Variants in KNTC1 observed in about 807,000 individuals in gnomAD.
KNTC1 encodes the protein kinetochore-associated protein 1.
Under a neutral mutation model 314.4 loss-of-function variants are expected in KNTC1, and 253 were observed. The ratio of observed to expected loss-of-function variants is 0.80; its 90% CI spans 0.73 to 0.89. The LOEUF (loss-of-function observed/expected upper bound fraction) is 0.89. Among genes scored for constraint, KNTC1 ranks in the 40% least tolerant of loss-of-function variants. The pLI, the probability that KNTC1 is intolerant of heterozygous loss-of-function variation, is 0.00. For synonymous variants in KNTC1, 901 were observed against 901.4 expected, an observed-to-expected ratio of 1.00 and a Z score of 0.01; for missense variants, 2,475 against 2,572.9, an observed-to-expected ratio of 0.96 and a Z score of 0.82.
At chr12:122,626,127 C>G in intron 63 of KNTC1, 78 bp from the exon 64 acceptor site, 1 of 976,526 alleles carries the variant, frequency 1.0e-6, no homozygotes, top group Non-Finnish European at 1.6e-6. Flanking sequence ...CACTTAAGTT[C>G]TGTAGTTTAT....
intron 37 of KNTC1, among the ~76,000 whole-genome samples, chr12:122,586,331 C>T (rs1869292236): frequency 6.6e-6 from 1 of 152,190 alleles, no homozygotes; most frequent in South Asian, 2.1e-4. Flanking sequence ...ATCTGCCCGC[C>T]TCAGCCTTCC....
chr12:122,578,337 G>GT (rs887239787), intron 31 of KNTC1, among the ~76,000 whole-genome samples: 2 of 151,616 alleles, frequency 1.3e-5, no homozygotes, highest in Admixed American at 6.6e-5. Flanking sequence ...GAACTCCTGA[G>GT]TTTAAGTTCT....
Position 122,605,003 on chromosome 12 carries a change from A to T in KNTC1, c.5302A>T (p.Lys1768Ter). 6.2e-7 allele frequency: 1 copy of T among 1,613,394 alleles called. No homozygotes were observed. The highest frequency in any genetic ancestry group is 1.1e-5 in the South Asian group (1 of 90,852). The change falls in exon 50 of 64, where the codon AAG becomes TAG. Residue 1768 changes from lysine to a stop codon, truncating the protein, a stop_gained. Transcript: ENST00000333479. LOFTEE classifies it high-confidence loss of function. ...NTEEYLRVIGKPAHLIVSLYE... is the reference protein window; with the variant it reads ...NTEEYLRVIG Reference sequence around the variant, plus strand: ...TGAGGAATATTTAAGAGTGATCGGAAAGCCAGCACATCTTATTGTCAGTCT... The same window carrying T: ...TGAGGAATATTTAAGAGTGATCGGATAGCCAGCACATCTTATTGTCAGTCT...
intron 43 of KNTC1, 121 bp from the exon 44 acceptor site, chr12:122,597,610 A>G (rs1871236037): frequency 2.5e-6 from 2 of 787,996 alleles, no homozygotes; most frequent in Non-Finnish European, 4.2e-6. Context: ...TGATTTTGAG[A>G]CTGGACAATG....
intron 18 of KNTC1, among the ~76,000 whole-genome samples, chr12:122,558,769 G>C (rs560205764): frequency 4.0e-4 from 61 of 152,124 alleles, no homozygotes; most frequent in Admixed American, 1.0e-3. Flanking sequence ...CCAGCTACTT[G>C]GCAGGCTGAG....
rs376805094 is a variant in KNTC1, at chr12:122,557,640, G to A, written c.1439G>A (p.Trp480Ter). ...FVVNYCLKAQ[W>*]ITYETTQEML... is the part of the protein sequence containing the mutation. ...GTGAATTACTGCCTGAAAGCTCAGT[G>A]GATAACCTATGAAACCACTCAAGAG... Residue 480 changes from tryptophan (W) to a stop codon, truncating the protein, a stop_gained, in exon 18 of 64, where the codon TGG becomes TAG. Coordinates refer to ENST00000333479, the MANE Select transcript of KNTC1 (RefSeq NM_014708.6). LOFTEE classifies it high-confidence loss of function. 4 of 1,613,306 alleles carry A rather than the reference G, an allele frequency of 2.5e-6. No individual in the cohort carries two copies. Among genetic ancestry groups the A allele is most frequent in the African/African-American group, 1.3e-5 (1 of 74,890 alleles).
intron 48 of KNTC1, among the ~76,000 whole-genome samples, chr12:122,603,833 A>C (rs973532562): frequency 6.6e-6 from 1 of 152,128 alleles, no homozygotes; most frequent in African/African-American, 2.4e-5. Context: ...GTCTCACATA[A>C]CCAAACAGGT....
At chr12:122,536,070 T>A (rs1961794341) in intron 3 of KNTC1, among the ~76,000 whole-genome samples, 1 of 132,658 alleles carries the variant, frequency 7.5e-6, no homozygotes, top group African/African-American at 2.7e-5. Flanking sequence ...ATTTTTTGTA[T>A]TTTTTTTTTT....
intron 3 of KNTC1, among the ~76,000 whole-genome samples, chr12:122,536,261 A>G (rs1252889439): frequency 7.0e-6 from 1 of 143,450 alleles, no homozygotes; most frequent in African/African-American, 2.6e-5. Flanking sequence ...GTAGTCTCGC[A>G]CTGTCGCCTA....
At chr12:122,580,245 C>T (rs1965315357) in intron 32 of KNTC1, among the ~76,000 whole-genome samples, 1 of 152,176 alleles carries the variant, frequency 6.6e-6, no homozygotes, top group African/African-American at 2.4e-5. Context: ...GTCTCGCACT[C>T]ATTGCTCATT....
chr12:122,580,424 ATAAT>A (rs1189438148), intron 32 of KNTC1, among the ~76,000 whole-genome samples, 175 bp from the exon 33 acceptor site: 17 of 152,346 alleles, frequency 1.1e-4, no homozygotes, highest in South Asian at 4.1e-4. Context: ...TCCTGAAAGA[ATAAT>A]TAGATTTTTT....
intron 5 of KNTC1, among the ~76,000 whole-genome samples, chr12:122,541,500 C>T (rs1347845114): frequency 6.6e-6 from 1 of 151,682 alleles, no homozygotes; most frequent in Non-Finnish European, 1.5e-5. Context: ...GCACGCACCA[C>T]CACAACCAGC....
At chr12:122,556,837 T>A (rs1350816409) in intron 16 of KNTC1, among the ~76,000 whole-genome samples, 4 of 152,020 alleles carry the variant, frequency 2.6e-5, no homozygotes, top group Non-Finnish European at 5.9e-5. Flanking sequence ...GTTTTTTTTT[T>A]ATTGTGTCTG....
Position 122,538,378 on chromosome 12 carries a change from A to G in KNTC1, c.290A>G (p.Lys97Arg). 5 of 1,605,488 alleles carry G rather than the reference A, an allele frequency of 3.1e-6. No homozygotes were observed. The highest frequency in any genetic ancestry group is 4.3e-6 in the Non-Finnish European group (5 of 1,175,654). Residue 97 changes from lysine (K) to arginine (R), a missense_variant, in exon 4 of 64, where the codon AAG becomes AGG. Physicochemically the swap from Lys to Arg is conservative, Grantham distance 26. Coordinates refer to ENST00000333479, the MANE Select transcript of KNTC1 (RefSeq NM_014708.6). ...GTAGTTGGCCTTTGTCAAGAAGGAA[A>G]GTTTCTTTTGGTTGGCGAGAGAAGT... ...VDVVGLCQEG[K>R]FLLVGERSGN...
At chr12:122,537,968 A>G (rs1961974856) in intron 3 of KNTC1, among the ~76,000 whole-genome samples, 1 of 142,802 alleles carries the variant, frequency 7.0e-6, no homozygotes, top group Non-Finnish European at 1.6e-5. Context: ...CCTCGTCTGT[A>G]CAAAAAATAC....
At chr12:122,545,781 G>A (rs1031009812) in intron 8 of KNTC1, among the ~76,000 whole-genome samples, 1 of 151,806 alleles carries the variant, frequency 6.6e-6, no homozygotes, top group African/African-American at 2.4e-5. Context: ...GGGAGACCCT[G>A]TCTCTACAAC....
intron 51 of KNTC1, among the ~76,000 whole-genome samples, chr12:122,606,743 T>A (rs1031885763): frequency 1.3e-5 from 2 of 152,146 alleles, no homozygotes; most frequent in African/African-American, 4.8e-5. Context: ...TTTTTAACAT[T>A]TTGCCATATT....
chr12:122,625,259 C>T (rs984418040), intron 63 of KNTC1, among the ~76,000 whole-genome samples: 8 of 152,022 alleles, frequency 5.3e-5, no homozygotes, highest in Non-Finnish European at 7.4e-5. Context: ...AAAAATTAGC[C>T]AGGCGTGGTG....
chr12:122,587,915 T>C (rs747111763), intron 39 of KNTC1, 41 bp downstream of exon 39: 2 of 1,563,600 alleles, frequency 1.3e-6, no homozygotes, highest in Non-Finnish European at 1.7e-6. Flanking sequence ...GGGGTGAATA[T>C]AGATGTAAAA....
Sources: gnomAD v4.1 joint callset for allele counts (sites outside exome capture counted in the v4.1 genomes callset) on GRCh38, gnomAD v4.1.1 for gene constraint, MANE v1.5 for transcripts, NCBI Gene and HGNC (gene_info 2026-07-23, HGNC 2026-07-21) for gene names.